The following RAPSN variants were observed in gnomAD, a reference collection of about 807,000 sequenced individuals.
RAPSN encodes receptor associated protein of the synapse.
In RAPSN, 33 loss-of-function variants were observed where a neutral mutation model predicts 45.7. The observed-to-expected ratio is 0.72, with a 90% CI of 0.55 to 0.97. RAPSN has a LOEUF of 0.97. Among genes scored for constraint, RAPSN ranks in the 50% least tolerant of loss-of-function variants. The pLI is 0.00. For synonymous variants in RAPSN, 244 were observed against 233.6 expected (o/e 1.04, Z -0.40); for missense variants, 519 against 559.4 (o/e 0.93, Z 0.73).
intron 3 of RAPSN, 53 bp downstream of exon 3, chr11:47,442,603 C>T: frequency 6.3e-7 from 1 of 1,589,312 alleles, no homozygotes; most frequent in African/African-American, 1.3e-5. Flanking sequence ...CAGGCCCCAG[C>T]CCCTGGCCCA....
chr11:47,447,209 C>T (rs957143325), intron 2 of RAPSN, among the ~76,000 whole-genome samples: 1 of 152,156 alleles, frequency 6.6e-6, no homozygotes, highest in African/African-American at 2.4e-5. Context: ...GCCCTCCGAC[C>T]ACTATATTTG....
intron 6 of RAPSN, among the ~76,000 whole-genome samples, chr11:47,440,558 G>T (rs1477893877): frequency 6.6e-6 from 1 of 152,174 alleles, no homozygotes; most frequent in Non-Finnish European, 1.5e-5. Context: ...GACAAGCCTG[G>T]CCAACGCAGT....
At chr11:47,442,474 G>A (rs1011164598) in intron 3 of RAPSN, among the ~76,000 whole-genome samples, 182 bp downstream of exon 3, 3 of 152,212 alleles carry the variant, frequency 2.0e-5, no homozygotes, top group Non-Finnish European at 4.4e-5. Context: ...GTGAGACCCC[G>A]TCTCTACAAA....
At position 47,448,041 on chromosome 11, in the gene RAPSN, T is replaced by C. The variant is rs374361284; in HGVS notation, c.302A>G (p.Lys101Arg). The C allele has an allele frequency of 5.0e-6, 8 of 1,613,924 alleles. No individual in the cohort carries two copies. The African/African-American group carries it at 1.1e-4, about 22-fold the overall frequency. The change falls in exon 2 of 8, where the codon AAG (lysine) becomes AGG (arginine). Residue 101 changes from lysine (K) to arginine (R), a missense_variant. Coordinates refer to ENST00000298854, the MANE Select transcript of RAPSN (RefSeq NM_005055.5). ...GCAGGTCTTGCAGTAGGAGATGGTCTTGTGAAACTCGCACAGCTTCTCGTT... is the reference window on the plus strand; with the variant it reads ...GCAGGTCTTGCAGTAGGAGATGGTCCTGTGAAACTCGCACAGCTTCTCGTT... ...RSNEKLCEFH[K>R]TISYCKTCLG...
At chr11:47,445,921 C>T (rs999871594) in intron 2 of RAPSN, among the ~76,000 whole-genome samples, 6 of 151,720 alleles carry the variant, frequency 4.0e-5, no homozygotes, top group Non-Finnish European at 7.4e-5. Flanking sequence ...CACAAGCCCA[C>T]ACTTGGGCTT....
At chr11:47,445,769 A>G (rs1320219158) in intron 2 of RAPSN, among the ~76,000 whole-genome samples, 1 of 152,160 alleles carries the variant, frequency 6.6e-6, no homozygotes, top group Non-Finnish European at 1.5e-5. Flanking sequence ...TTCATCTAAG[A>G]GAAAAGACAA....
chr11:47,443,139 T>C (rs1333463531), intron 2 of RAPSN, among the ~76,000 whole-genome samples: 1 of 152,190 alleles, frequency 6.6e-6, no homozygotes, highest in East Asian at 1.9e-4. Context: ...TTCTCTTTTC[T>C]CCCAATGCCA....
intron 2 of RAPSN, among the ~76,000 whole-genome samples, chr11:47,444,280 G>A (rs2076387867): frequency 6.6e-6 from 1 of 152,154 alleles, no homozygotes; most frequent in South Asian, 2.1e-4. Context: ...GCTCATGTCT[G>A]TAATCCCAGC....
chr11:47,439,051 C>T (rs2076340050), intron 6 of RAPSN, 120 bp from the exon 7 acceptor site: 1 of 1,100,208 alleles, frequency 9.1e-7, no homozygotes, highest in Admixed American at 2.2e-5. Flanking sequence ...GTCCTGCCCT[C>T]TCTGGGACCT....
chr11:47,444,692 A>G (rs780731865), intron 2 of RAPSN, among the ~76,000 whole-genome samples: 4 of 151,192 alleles, frequency 2.6e-5, no homozygotes, highest in East Asian at 1.9e-4. Flanking sequence ...CCCCATCTCC[A>G]CTAAAATACA....
chr11:47,441,059 G>C (rs879160871), intron 6 of RAPSN, 100 bp downstream of exon 6: 2 of 1,465,392 alleles, frequency 1.4e-6, no homozygotes, highest in South Asian at 1.1e-5. Flanking sequence ...GCATCAGGAA[G>C]GGCTCATGAC....
chr11:47,438,343 CCTCT>C, intron 7 of RAPSN: 1 of 573,420 alleles, frequency 1.7e-6, no homozygotes, highest in Non-Finnish European at 3.1e-6. Context: ...CTTTGAGGGG[CCTCT>C]CTGACTCCTC....
At chr11:47,439,191 C>T (rs886564763) in intron 6 of RAPSN, among the ~76,000 whole-genome samples, 2 of 152,074 alleles carry the variant, frequency 1.3e-5, no homozygotes, top group South Asian at 2.1e-4. Flanking sequence ...TAATAATTTG[C>T]GGCAGGGCGC....
chr11:47,442,530 G>T, intron 3 of RAPSN, 126 bp downstream of exon 3: 1 of 1,110,616 alleles, frequency 9.0e-7, no homozygotes, highest in Non-Finnish European at 1.3e-6. Flanking sequence ...AGAGAGGCTG[G>T]GCCAGAGGCA....
chr11:47,438,305 T>A (rs1007366177), intron 7 of RAPSN, among the ~76,000 whole-genome samples: 2 of 151,992 alleles, frequency 1.3e-5, no homozygotes, highest in African/African-American at 2.4e-5. Flanking sequence ...CCACGGCAGG[T>A]CTGGCCCTGG....
intron 3 of RAPSN, 48 bp downstream of exon 3, chr11:47,442,608 G>C: frequency 6.3e-7 from 1 of 1,596,866 alleles, no homozygotes; most frequent in South Asian, 1.1e-5. Context: ...CCCAGCCCCT[G>C]GCCCACACCA....
At chr11:47,441,323 C>T (rs539881537) in intron 5 of RAPSN, 111 bp from the exon 6 acceptor site, 15 of 1,428,158 alleles carry the variant, frequency 1.1e-5, no homozygotes, top group Admixed American at 1.8e-5. Flanking sequence ...TGGCAGCTGC[C>T]TTGTGTGTGA....
intron 7 of RAPSN, chr11:47,438,484 G>A: frequency 1.7e-6 from 1 of 576,986 alleles, no homozygotes; most frequent in South Asian, 2.3e-5. Flanking sequence ...CACCATGCCT[G>A]GGTAATTTTT....
intron 7 of RAPSN, 120 bp from the exon 8 acceptor site, chr11:47,438,167 C>A: frequency 1.7e-6 from 2 of 1,208,352 alleles, no homozygotes; most frequent in South Asian, 2.6e-5. Context: ...TGTTCAGCAG[C>A]AGTGGAAGGG....
Sources: allele counts gnomAD v4.1 joint callset (sites outside exome capture counted in the v4.1 genomes callset), GRCh38; gene constraint gnomAD v4.1.1; transcripts MANE v1.5; gene names NCBI Gene and HGNC (gene_info 2026-07-23, HGNC 2026-07-21).